Variants in PABPN1L observed in about 807,000 individuals in gnomAD.
The protein encoded by PABPN1L is PABPN1 like, cytoplasmic, also known as embryonic polyadenylate-binding protein 2.
A neutral mutation model predicts 34.0 loss-of-function variants in PABPN1L; 45 were observed. The ratio of observed to expected loss-of-function variants is 1.32; its 90% CI spans 1.04 to 1.70. The LOEUF is 1.70. PABPN1L is among the 40% of genes most tolerant of loss of function. The pLI is 0.00. For synonymous variants in PABPN1L, 182 were observed against 152.1 expected, an observed-to-expected ratio of 1.20 and a Z score of -1.45; for missense variants, 459 against 367.8, an observed-to-expected ratio of 1.25 and a Z score of -2.03.
chr16:88,867,137 G>T (rs1360721618), upstream of PABPN1L, among the ~76,000 whole-genome samples: 1 of 152,054 alleles, frequency 6.6e-6, no homozygotes, highest in Non-Finnish European at 1.5e-5. Flanking sequence ...TGGGCCCAGA[G>T]GAGGGGCAGC....
chr16:88,866,234 C>A, intron 1 of PABPN1L, 118 bp downstream of exon 1: 1 of 1,423,156 alleles, frequency 7.0e-7, no homozygotes, highest in East Asian at 2.5e-5. Flanking sequence ...GGCAGGTGGG[C>A]AATGGCCCTC....
At chr16:88,867,476 C>T (rs182737190), upstream of PABPN1L, among the ~76,000 whole-genome samples, 713 of 152,296 alleles carry the variant, frequency 4.7e-3, 8 homozygotes, top group African/African-American at 0.017. Flanking sequence ...GGTGATCCGC[C>T]CGACTCGGCC....
At chr16:88,867,871 T>C (rs1968633062), upstream of PABPN1L, among the ~76,000 whole-genome samples, 1 of 152,198 alleles carries the variant, frequency 6.6e-6, no homozygotes, top group South Asian at 2.1e-4. Context: ...TGCATGGCTC[T>C]TACCCCTGCC....
intron 3 of PABPN1L, 119 bp downstream of exon 3, chr16:88,865,444 G>T: frequency 2.4e-6 from 3 of 1,269,750 alleles, no homozygotes; most frequent in African/African-American, 1.5e-5. Flanking sequence ...TGACGGGGCT[G>T]CCCCCAGGGT....
chr16:88,864,016 C>G (rs1002206017), intron 6 of PABPN1L, among the ~76,000 whole-genome samples: 2 of 148,128 alleles, frequency 1.4e-5, no homozygotes, highest in Non-Finnish European at 3.0e-5. Flanking sequence ...GTAGCCCACC[C>G]TGGGGCCTTT....
upstream of PABPN1L, among the ~76,000 whole-genome samples, chr16:88,868,667 G>A (rs534801279): frequency 6.6e-6 from 1 of 152,102 alleles, no homozygotes; most frequent in Admixed American, 6.6e-5. Context: ...GGGAAAGAGC[G>A]GGCAGGAGGG....
chr16:88,866,365 G>A, exon 1 of PABPN1L: 2 of 1,550,190 alleles, frequency 1.3e-6, no homozygotes, highest in South Asian at 1.2e-5. Context: ...GTCAGGCAAT[G>A]GGCACTCAGC....
At chr16:88,863,442 A>G in exon 7 of PABPN1L, 1 of 515,838 alleles carries the variant, frequency 1.9e-6, no homozygotes, top group Non-Finnish European at 3.5e-6. Flanking sequence ...GCCAACCCCA[A>G]GCTGGCCTGG....
chr16:88,867,429 C>G (rs1968625876), upstream of PABPN1L, among the ~76,000 whole-genome samples: 1 of 152,092 alleles, frequency 6.6e-6, no homozygotes, highest in South Asian at 2.1e-4. Context: ...CAGGGTTTCA[C>G]CATGTTGCCC....
At position 88,864,945 on chromosome 16, in the gene PABPN1L, GGGGAGGGGCA is replaced by G. The variant is rs756428538; in HGVS notation, c.567-15_567-6del. 3.5e-5 allele frequency: 55 copies of G among 1,592,186 alleles called. No homozygotes were observed. In the East Asian group the frequency reaches 1.2e-3, roughly 35 times the overall value. ...GCAAACTCTATGTAGGCATAACTGA[GGGGAGGGGCA>G]GGGAGGGGAGGGGTGAGGCTGGGCC... On this transcript the variant is annotated splice_polypyrimidine_tract_variant and splice_region_variant and intron_variant, in intron 4 of 6. Transcript: ENST00000419291.
intron 2 of PABPN1L, 48 bp downstream of exon 2, chr16:88,865,758 T>C: frequency 6.4e-7 from 1 of 1,573,072 alleles, no homozygotes; most frequent in South Asian, 1.2e-5. Flanking sequence ...TAATGGAAAC[T>C]GTGGGACCCT....
upstream of PABPN1L, among the ~76,000 whole-genome samples, chr16:88,867,989 G>A (rs1019154764): frequency 5.3e-5 from 8 of 152,180 alleles, no homozygotes; most frequent in Non-Finnish European, 8.8e-5. Context: ...GGATTCCTGG[G>A]AATTTGGGAC....
intron 5 of PABPN1L, 119 bp from the exon 6 acceptor site, chr16:88,864,498 G>T: frequency 7.2e-7 from 1 of 1,385,640 alleles, no homozygotes; most frequent in Non-Finnish European, 9.6e-7. Context: ...TACCATTCGG[G>T]CCTACAGGGT....
chr16:88,863,551 C>T, exon 7 of PABPN1L: 1 of 690,422 alleles, frequency 1.4e-6, no homozygotes, highest in African/African-American at 1.8e-5. Flanking sequence ...GTGGCTGTGA[C>T]TCGTGGCTGT....
At chr16:88,870,074 CT>C, upstream of PABPN1L, among the ~76,000 whole-genome samples, 1 of 152,224 alleles carries the variant, frequency 6.6e-6, no homozygotes, top group Admixed American at 6.5e-5. Context: ...CTCAGGTCCC[CT>C]GTGTCCCCTC....
chr16:88,868,721 T>G (rs1175867789), upstream of PABPN1L, among the ~76,000 whole-genome samples: 1 of 152,084 alleles, frequency 6.6e-6, no homozygotes, highest in Non-Finnish European at 1.5e-5. Flanking sequence ...AAAAGGCAAG[T>G]GGTAGCGTTC....
chr16:88,869,738 G>A (rs968577459), upstream of PABPN1L, among the ~76,000 whole-genome samples: 6 of 152,256 alleles, frequency 3.9e-5, no homozygotes, highest in African/African-American at 1.4e-4. Flanking sequence ...CCCAGGCCCT[G>A]ACGCATGCCC....
chr16:88,866,323 G>A (rs1247252163), intron 1 of PABPN1L, 29 bp downstream of exon 1: 1 of 1,538,964 alleles, frequency 6.5e-7, no homozygotes, highest in Non-Finnish European at 8.8e-7. Context: ...GGTCCCCTGA[G>A]ATCCCCAGGG....
chr16:88,863,643 C>T (rs889693722), exon 7 of PABPN1L: 18 of 1,337,222 alleles, frequency 1.3e-5, no homozygotes, highest in Admixed American at 5.9e-5. Flanking sequence ...TCTGGACACC[C>T]CTCTCCTCTG....
Sources: allele counts gnomAD v4.1 joint callset (sites outside exome capture counted in the v4.1 genomes callset), GRCh38; gene constraint gnomAD v4.1.1; transcripts MANE v1.5; gene names NCBI Gene and HGNC (gene_info 2026-07-23, HGNC 2026-07-21).